LIN52: variants seen among roughly 807,000 people sequenced by gnomAD.
LIN52 encodes the protein lin-52 DREAM MuvB core complex component.
Under a neutral mutation model 18.5 loss-of-function variants are expected in LIN52, and 4 were observed. That is an observed-to-expected ratio of 0.22 (90% CI 0.11 to 0.49). The LOEUF (loss-of-function observed/expected upper bound fraction) is 0.49, where lower values mean the gene tolerates loss of function less well. Ranked by LOEUF, LIN52 falls within the 20% of genes least tolerant of loss-of-function variation. The pLI is 0.97. For synonymous variants in LIN52, 34 were observed against 45.5 expected, an observed-to-expected ratio of 0.75 and a Z score of 1.02; for missense variants, 102 against 139.5, an observed-to-expected ratio of 0.73 and a Z score of 1.35.
chr14:74,173,315 A>T (rs563549151), intron 5 of LIN52, among the ~76,000 whole-genome samples: 4 of 151,928 alleles, frequency 2.6e-5, no homozygotes, highest in Non-Finnish European at 5.9e-5. Context: ...AGCCCCCTGA[A>T]TAGCTGGGAT....
chr14:74,158,640 G>C (rs917256317), intron 5 of LIN52, among the ~76,000 whole-genome samples: 6 of 151,808 alleles, frequency 4.0e-5, no homozygotes, highest in African/African-American at 1.5e-4. Flanking sequence ...CACCACGCCC[G>C]GCTAATTTTG....
intron 5 of LIN52, among the ~76,000 whole-genome samples, chr14:74,103,990 C>T (rs1289398986): frequency 1.3e-5 from 2 of 151,420 alleles, no homozygotes; most frequent in African/African-American, 4.9e-5. Context: ...CCTCCGCCTC[C>T]TGGGTTCAAG....
intron 3 of LIN52, 136 bp from the exon 4 acceptor site, chr14:74,097,658 A>G (rs1281822360): frequency 2.4e-5 from 14 of 576,216 alleles, no homozygotes; most frequent in Non-Finnish European, 4.0e-5. Flanking sequence ...CGGGTCTCGA[A>G]CTCCTGACTC....
intron 5 of LIN52, among the ~76,000 whole-genome samples, chr14:74,178,254 A>G (rs2061302006): frequency 6.6e-6 from 1 of 152,178 alleles, no homozygotes; most frequent in Admixed American, 6.5e-5. Context: ...AGATGAAGTG[A>G]ATGTACCCAG....
intron 5 of LIN52, among the ~76,000 whole-genome samples, chr14:74,179,552 G>A (rs1258478272): frequency 2.0e-5 from 3 of 151,752 alleles, no homozygotes; most frequent in Non-Finnish European, 4.4e-5. Context: ...CCAGCTACTC[G>A]GGAGGCTGCG....
intron 5 of LIN52, among the ~76,000 whole-genome samples, chr14:74,177,873 G>A (rs1178499210): frequency 3.3e-5 from 5 of 152,150 alleles, no homozygotes; most frequent in Non-Finnish European, 5.9e-5. Flanking sequence ...CGCCACGTGC[G>A]CTCAAGCAAT....
At chr14:74,108,022 C>T (rs1249851299) in intron 5 of LIN52, among the ~76,000 whole-genome samples, 2 of 152,150 alleles carry the variant, frequency 1.3e-5, no homozygotes, top group Non-Finnish European at 2.9e-5. Context: ...CAGTCACTCC[C>T]CATTACTTCC....
intron 5 of LIN52, among the ~76,000 whole-genome samples, chr14:74,119,160 CTTTTT>C (rs543503099): frequency 1.7e-5 from 2 of 115,438 alleles, no homozygotes; most frequent in Non-Finnish European, 1.8e-5. Context: ...GATTTTCTTT[CTTTTT>C]TTTTTTTTTT....
At chr14:74,124,754 T>C (rs1213190148) in intron 5 of LIN52, among the ~76,000 whole-genome samples, 2 of 135,316 alleles carry the variant, frequency 1.5e-5, no homozygotes, top group Non-Finnish European at 3.0e-5. Flanking sequence ...GAGGTTGCAG[T>C]GAGCCAAGAT....
chr14:74,187,971 G>T (rs920680847), intron 5 of LIN52, among the ~76,000 whole-genome samples: 3 of 152,150 alleles, frequency 2.0e-5, no homozygotes, highest in African/African-American at 7.2e-5. Context: ...ACCTAAGGTA[G>T]ATTTAAATCC....
chr14:74,099,820 T>C (rs2060841575), intron 4 of LIN52, among the ~76,000 whole-genome samples: 1 of 152,062 alleles, frequency 6.6e-6, no homozygotes, highest in African/African-American at 2.4e-5. Flanking sequence ...GATGAACCAG[T>C]TTATTGATCT....
At chr14:74,114,425 G>A in intron 5 of LIN52, 2 of 985,408 alleles carry the variant, frequency 2.0e-6, no homozygotes, top group Non-Finnish European at 2.4e-6. Flanking sequence ...GATGATGGCA[G>A]TGAGAATGGG....
chr14:74,199,210 C>G lies in LIN52; in HGVS notation c.*233C>G. ...ACTCAATCAACTTTCAGACTTGAACCTTCTTAGCCTCGGATATTGGTAACA... is the reference window on the plus strand; with the variant it reads ...ACTCAATCAACTTTCAGACTTGAACGTTCTTAGCCTCGGATATTGGTAACA... On this transcript the variant is annotated 3_prime_UTR_variant, in exon 6 of 6. Transcript: ENST00000555028. 1 of 416,540 alleles carries G rather than the reference C, an allele frequency of 2.4e-6. No individual in the cohort carries two copies. The highest frequency in any genetic ancestry group is 4.3e-6 in the Non-Finnish European group (1 of 234,162). 25.8% of individuals were successfully genotyped at this position (416,540 alleles called of 1,614,324 possible). A position where few individuals can be genotyped will look rare whatever the true frequency, so the allele number is the denominator to read the frequency against.
intron 5 of LIN52, among the ~76,000 whole-genome samples, chr14:74,107,463 C>T (rs540711973): frequency 6.6e-6 from 1 of 152,160 alleles, no homozygotes; most frequent in East Asian, 1.9e-4. Context: ...GTAAGCTGTC[C>T]TTCTATCAGC....
At chr14:74,170,090 A>G (rs2061264268) in intron 5 of LIN52, among the ~76,000 whole-genome samples, 1 of 152,214 alleles carries the variant, frequency 6.6e-6, no homozygotes, top group Non-Finnish European at 1.5e-5. Context: ...CAGGAACAGA[A>G]GTGTGAAGTC....
At chr14:74,161,553 A>G in intron 5 of LIN52, among the ~76,000 whole-genome samples, 1 of 152,254 alleles carries the variant, frequency 6.6e-6, no homozygotes, top group East Asian at 1.9e-4. Flanking sequence ...TGAAAGGAAA[A>G]GAAGAGTCAA....
At chr14:74,137,171 TA>T (rs67576253) in intron 5 of LIN52, among the ~76,000 whole-genome samples, 37,670 of 141,490 alleles carry the variant, frequency 0.27, 5,020 homozygotes, top group South Asian at 0.34. Flanking sequence ...TATATATATA[TA>T]TTTTTTTAAT....
chr14:74,158,573 G>C (rs1170945912), intron 5 of LIN52, among the ~76,000 whole-genome samples: 1 of 152,010 alleles, frequency 6.6e-6, no homozygotes, highest in Non-Finnish European at 1.5e-5. Context: ...CCACCTCCCG[G>C]GTTCAAGTGA....
chr14:74,193,907 C>T (rs373020296), intron 5 of LIN52, among the ~76,000 whole-genome samples: 2 of 152,132 alleles, frequency 1.3e-5, no homozygotes, highest in Admixed American at 1.3e-4. Context: ...AATTTGTCCC[C>T]GCTTCACAAA....
Sources: gnomAD v4.1 joint callset for allele counts (sites outside exome capture counted in the v4.1 genomes callset) on GRCh38, gnomAD v4.1.1 for gene constraint, MANE v1.5 for transcripts, NCBI Gene and HGNC (gene_info 2026-07-23, HGNC 2026-07-21) for gene names.